EIF4E3: variants seen among roughly 807,000 people sequenced by gnomAD.
EIF4E3 encodes the protein eukaryotic translation initiation factor 4E type 3.
In EIF4E3, 26 loss-of-function variants were observed where a neutral mutation model predicts 31.7. The ratio of observed to expected loss-of-function variants is 0.82; its 90% CI spans 0.60 to 1.14. The LOEUF (loss-of-function observed/expected upper bound fraction) is 1.14. Among genes scored for constraint, EIF4E3 ranks in the 50% most tolerant of loss-of-function variants. EIF4E3 has a pLI of 0.00. For missense variants in EIF4E3, 304 were observed against 270.9 expected (o/e 1.12, Z -0.86); for synonymous variants, 128 against 107.7 (o/e 1.19, Z -1.17).
At chr3:71,706,512 G>T (rs1282535444) in intron 2 of EIF4E3, among the ~76,000 whole-genome samples, 2 of 152,084 alleles carry the variant, frequency 1.3e-5, no homozygotes, top group Non-Finnish European at 2.9e-5. Flanking sequence ...AGTGCTAATG[G>T]AGTGAGAGTA....
intron 2 of EIF4E3, among the ~76,000 whole-genome samples, chr3:71,709,575 G>A (rs562203484): frequency 6.6e-6 from 1 of 151,922 alleles, no homozygotes; most frequent in South Asian, 2.1e-4. Context: ...GTAGAGATGG[G>A]GGTCTATGTT....
At chr3:71,684,760 A>C in intron 6 of EIF4E3, 32 bp from the exon 7 acceptor site, 1 of 1,610,190 alleles carries the variant, frequency 6.2e-7, no homozygotes, top group Non-Finnish European at 8.5e-7. Context: ...AAAAAGAAAA[A>C]AAGGAAAGAA....
chr3:71,692,590 C>G (rs1183568643), intron 5 of EIF4E3, among the ~76,000 whole-genome samples: 1 of 147,248 alleles, frequency 6.8e-6, no homozygotes, highest in African/African-American at 2.5e-5. Context: ...TATCTTAACC[C>G]AGGTCTTCTT....
At chr3:71,744,452 A>G (rs200350085) in intron 1 of EIF4E3, among the ~76,000 whole-genome samples, 2 of 152,110 alleles carry the variant, frequency 1.3e-5, no homozygotes, top group East Asian at 3.9e-4. Context: ...AAAATCTTAA[A>G]ATATTCACCT....
At chr3:71,694,854 CA>C (rs2049113120) in intron 4 of EIF4E3, among the ~76,000 whole-genome samples, 1 of 152,144 alleles carries the variant, frequency 6.6e-6, no homozygotes, top group Non-Finnish European at 1.5e-5. Context: ...CAAGTGTGCA[CA>C]AAGGGCTTAG....
the EIF4E3 span, among the ~76,000 whole-genome samples, chr3:71,661,019 G>A: frequency 2.6e-5 from 4 of 151,930 alleles, no homozygotes; most frequent in South Asian, 2.1e-4. Context: ...GCAGGGATGC[G>A]AGCGTTTCAT....
rs529302848 is a variant in EIF4E3, at chr3:71,716,078, C to A, written c.177-5594G>T. On this transcript the variant is annotated intron_variant, in intron 1 of 6. Coordinates refer to ENST00000425534, the MANE Select transcript of EIF4E3 (RefSeq NM_001134651.2). The stretch of plus-strand genomic sequence containing the variant: ...CTACTGTTTCTGCCTGTCAATCTTG[C>A]CTCCCCACCATATATCTAGCCACAC... Among the ~76,000 whole-genome samples the A allele has an allele frequency of 2.6e-5, 4 of 152,280 alleles. No individual in the cohort carries two copies. In the South Asian group the frequency reaches 8.3e-4, roughly 32 times the overall value.
intron 1 of EIF4E3, among the ~76,000 whole-genome samples, chr3:71,739,962 GA>G (rs1371197934): frequency 1.3e-5 from 2 of 152,000 alleles, no homozygotes; most frequent in African/African-American, 4.8e-5. Context: ...GGAGAAATGA[GA>G]ATATGCCACT....
Position 71,725,341 on chromosome 3 carries a change from G to A in EIF4E3, c.27C>T (p.Pro9=). 2.1e-6 allele frequency: 2 copies of A among 973,330 alleles called. No homozygotes were observed. The highest frequency in any genetic ancestry group is 2.4e-6 in the Non-Finnish European group (2 of 821,638). 60.3% of individuals were successfully genotyped at this position (973,330 alleles called of 1,614,324 possible). A position where few individuals can be genotyped will look rare whatever the true frequency, so the allele number is the denominator to read the frequency against. ...CCGGCGGCTCCCGGGCCCCGGCGGG[G>A]GGCGCGGCGGCCGGGGGCAGCGCCA... MALPPAAA[P]PAGAREPPGS... is the part of the protein sequence containing the mutation. The change falls in exon 1 of 7, where the codon CCC becomes CCT. Residue 9 remains proline (P), a synonymous_variant. Coordinates refer to ENST00000425534, the MANE Select transcript of EIF4E3 (RefSeq NM_001134651.2). This position sits in a 1 kb window ranked among gnomAD's most constrained non-coding sequence, Gnocchi z 6.1.
upstream of EIF4E3, chr3:71,754,175 G>A (rs765142965): frequency 4.1e-6 from 6 of 1,447,188 alleles, no homozygotes; most frequent in East Asian, 1.5e-4. The surrounding 1 kb of genome is among the most constrained non-coding windows in gnomAD (Gnocchi z 5.8). Context: ...TCGCGCTGCT[G>A]ATCGTGCGGG....
the EIF4E3 span, among the ~76,000 whole-genome samples, chr3:71,668,930 A>G: frequency 6.6e-6 from 1 of 152,232 alleles, no homozygotes; most frequent in African/African-American, 2.4e-5. Context: ...ATTCTACTAT[A>G]AAGACACATG....
At chr3:71,754,706 G>A (rs1211319973), upstream of EIF4E3, 3 of 1,485,264 alleles carry the variant, frequency 2.0e-6, no homozygotes, top group South Asian at 3.7e-5. The surrounding 1 kb of genome is among the most constrained non-coding windows in gnomAD (Gnocchi z 5.8). Context: ...CCGCGCGCCT[G>A]GTGCCCGCCG....
At chr3:71,660,310 C>G in the EIF4E3 span, among the ~76,000 whole-genome samples, 27 of 151,682 alleles carry the variant, frequency 1.8e-4, no homozygotes, top group Non-Finnish European at 2.2e-4. Context: ...TGATGACCAT[C>G]TGTGTATAAA....
chr3:71,679,524 T>C lies in EIF4E3; in HGVS notation c.*5158A>G, dbSNP rs186403827. ...ATGATTTCTGAAGGACACAAAAGCA[T>C]AGAATATCCAAAAGCTATTGTATTG... is the stretch of plus-strand genomic sequence containing the variant. On this transcript the variant is annotated 3_prime_UTR_variant, in exon 7 of 7. Coordinates refer to ENST00000425534, the MANE Select transcript of EIF4E3 (RefSeq NM_001134651.2). 2.6e-5 allele frequency: 4 copies of C among 152,274 alleles called. No individual in the cohort carries two copies. Among genetic ancestry groups the C allele is most frequent in the African/African-American group, 9.6e-5 (4 of 41,556 alleles). The allele number at this position is 152,274 out of a possible 1,614,324, so 9.4% of individuals were successfully genotyped here. A position where few individuals can be genotyped will look rare whatever the true frequency, so the allele number is the denominator to read the frequency against.
intron 2 of EIF4E3, among the ~76,000 whole-genome samples, chr3:71,703,651 T>C (rs1028513256): frequency 1.3e-5 from 2 of 152,096 alleles, no homozygotes; most frequent in African/African-American, 4.8e-5. Context: ...CCAAGAAAAC[T>C]GGCAAATTTC....
chr3:71,677,102 C>T lies in EIF4E3; in HGVS notation c.*7580G>A, dbSNP rs921905880. Reference sequence around the variant, plus strand: ...ATGGTACCAGAGTTCAACATGCTTACGATTATAAAGAATTTATGATTTATG... The same window carrying T: ...ATGGTACCAGAGTTCAACATGCTTATGATTATAAAGAATTTATGATTTATG... On this transcript the variant is annotated 3_prime_UTR_variant, in exon 7 of 7. Coordinates refer to ENST00000425534, the MANE Select transcript of EIF4E3 (RefSeq NM_001134651.2). The T allele has an allele frequency of 6.6e-6, 1 of 152,224 alleles. No individual in the cohort carries two copies. The highest frequency in any genetic ancestry group is 1.5e-5 in the Non-Finnish European group (1 of 68,010). 9.4% of individuals were successfully genotyped at this position (152,224 alleles called of 1,614,324 possible). A position where few individuals can be genotyped will look rare whatever the true frequency, so the allele number is the denominator to read the frequency against.
At chr3:71,692,598 CTT>C (rs749669628) in intron 5 of EIF4E3, among the ~76,000 whole-genome samples, 44 of 96,210 alleles carry the variant, frequency 4.6e-4, no homozygotes, top group South Asian at 1.7e-3. Context: ...CCCAGGTCTT[CTT>C]TTTTTTTTTT....
upstream of EIF4E3, chr3:71,754,349 C>A: frequency 7.7e-7 from 1 of 1,306,840 alleles, no homozygotes; most frequent in Non-Finnish European, 9.8e-7. This position sits in a 1 kb window ranked among gnomAD's most constrained non-coding sequence, Gnocchi z 5.8. Context: ...TGCTCGCCTT[C>A]CTGGCCGCGC....
intron 1 of EIF4E3, among the ~76,000 whole-genome samples, chr3:71,745,090 A>G (rs2049857805): frequency 6.6e-6 from 1 of 152,240 alleles, no homozygotes; most frequent in Non-Finnish European, 1.5e-5. Flanking sequence ...ATCGAACCCA[A>G]GTCATACTTT....
Sources: allele counts gnomAD v4.1 joint callset (sites outside exome capture counted in the v4.1 genomes callset), GRCh38; gene constraint gnomAD v4.1.1; non-coding constraint Gnocchi (gnomAD v3.1); transcripts MANE v1.5; gene names NCBI Gene and HGNC (gene_info 2026-07-23, HGNC 2026-07-21).